NEUROD4: variants seen among roughly 807,000 people sequenced by gnomAD.
NEUROD4 encodes the protein neuronal differentiation 4.
Under a neutral mutation model 19.8 loss-of-function variants are expected in NEUROD4, and 16 were observed. The observed-to-expected ratio is 0.81, with a 90% CI of 0.55 to 1.23. The LOEUF (loss-of-function observed/expected upper bound fraction) is 1.23. Among genes scored for constraint, NEUROD4 ranks in the 50% most tolerant of loss-of-function variants. The pLI is 0.00. For synonymous variants in NEUROD4, 153 were observed against 147.9 expected (o/e 1.03, Z -0.25); for missense variants, 439 against 398.6 (o/e 1.10, Z -0.86).
rs1180043221 is a variant in NEUROD4 at position 55,029,773 on chromosome 12, T to C, written c.*2338T>C. Reference sequence around the variant, plus strand: ...TTATTCTTTAATAATCTGCTGTTTATGCCTTTGGGGAGTATGGTACCCATG... The same window carrying C: ...TTATTCTTTAATAATCTGCTGTTTACGCCTTTGGGGAGTATGGTACCCATG... On this transcript the variant is annotated 3_prime_UTR_variant, in exon 2 of 2. Coordinates refer to ENST00000242994, the MANE Select transcript of NEUROD4 (RefSeq NM_021191.3). 3 of 167,100 alleles carry C rather than the reference T, an allele frequency of 1.8e-5. No individual in the cohort carries two copies. Among genetic ancestry groups the C allele is most frequent in the Non-Finnish European group, 4.4e-5 (3 of 68,110 alleles). 10.4% of individuals were successfully genotyped at this position (167,100 alleles called of 1,614,324 possible).
chr12:55,026,671 A>G lies in NEUROD4; in HGVS notation c.232A>G (p.Thr78Ala). 6.2e-7 allele frequency: 1 copy of G among 1,614,040 alleles called. No homozygotes were observed. Among genetic ancestry groups the G allele is most frequent in the Non-Finnish European group, 8.5e-7 (1 of 1,180,006 alleles). The change falls in exon 2 of 2, where the codon ACC (threonine) becomes GCC (alanine). Residue 78 changes from threonine (T) to alanine (A), a missense_variant. By Grantham distance (58) the Thr-to-Ala change is moderately conservative. Coordinates refer to ENST00000242994, the MANE Select transcript of NEUROD4 (RefSeq NM_021191.3). ...AAGGGGTCCCAAGAAAAAGAAGATGACCAAAGCTCGCCTTGAGAGATTCAG... is the reference window on the plus strand; with the variant it reads ...AAGGGGTCCCAAGAAAAAGAAGATGGCCAAAGCTCGCCTTGAGAGATTCAG... Reference protein sequence around the residue: ...KRRGPKKKKMTKARLERFRAR... With the variant: ...KRRGPKKKKMAKARLERFRAR...
In NEUROD4 at chr12:55,026,884, C is replaced by T. The variant is rs756163190; in HGVS notation, c.445C>T (p.Pro149Ser). 2 of 1,614,120 alleles carry T rather than the reference C, an allele frequency of 1.2e-6. No homozygotes were observed. Among genetic ancestry groups the T allele is most frequent in the Admixed American group, 1.7e-5 (1 of 60,006 alleles). Residue 149 changes from proline to serine, a missense_variant, in exon 2 of 2, where the codon CCT (proline) becomes TCT (serine). By Grantham distance (74) the Pro-to-Ser change is moderately conservative (BLOSUM62 -1). Transcript: ENST00000242994. Reference sequence around the variant, plus strand: ...TGAAGTCCTGGAGACTGGCCAGACACCTGAAGGGAAAGGCTTTGTGGAGAT... The same window carrying T: ...TGAAGTCCTGGAGACTGGCCAGACATCTGAAGGGAAAGGCTTTGTGGAGAT... ...LSEVLETGQT[P>S]EGKGFVEMLC...
chr12:55,027,704 T>C lies in NEUROD4; in HGVS notation c.*269T>C. 2.7e-6 allele frequency: 1 copy of C among 368,872 alleles called. No individual in the cohort carries two copies. The highest frequency in any genetic ancestry group is 4.5e-5 in the East Asian group (1 of 22,356). 22.8% of individuals were successfully genotyped at this position (368,872 alleles called of 1,614,324 possible). ...ACAGAAGACCTGGGCCCTATTCCAG[T>C]GGTGCCAAAAACTCATTGCATAATC... is the stretch of plus-strand genomic sequence containing the variant. On this transcript the variant is annotated 3_prime_UTR_variant, in exon 2 of 2. Transcript: ENST00000242994.
chr12:55,026,050 T>C (rs1426527875), intron 1 of NEUROD4, among the ~76,000 whole-genome samples: 2 of 152,208 alleles, frequency 1.3e-5, no homozygotes, highest in East Asian at 3.8e-4. Flanking sequence ...TCTTTCACTT[T>C]CAGAAATTTC....
Position 55,027,749 on chromosome 12 carries a change from T to C in NEUROD4, c.*314T>C, listed in dbSNP as rs1952751674. The stretch of plus-strand genomic sequence containing the variant: ...ATAATCTGTGCCAATTAATTTTCCA[T>C]TTCTGGCCTTTGTTTATTTACTAGC... On this transcript the variant is annotated 3_prime_UTR_variant, in exon 2 of 2. Coordinates refer to ENST00000242994, the MANE Select transcript of NEUROD4 (RefSeq NM_021191.3). 3.7e-6 allele frequency: 1 copy of C among 271,970 alleles called. No homozygotes were observed. Among genetic ancestry groups the C allele is most frequent in the East Asian group, 7.6e-5 (1 of 13,158 alleles). The allele number at this position is 271,970 out of a possible 1,614,324, so 16.8% of individuals were successfully genotyped here. A position where few individuals can be genotyped will look rare whatever the true frequency, so the allele number is the denominator to read the frequency against.
Position 55,028,360 on chromosome 12 carries a change from G to A in NEUROD4, c.*925G>A, listed in dbSNP as rs1395485648. 1 of 167,060 alleles carries A rather than the reference G, an allele frequency of 6.0e-6. No individual in the cohort carries two copies. Among genetic ancestry groups the A allele is most frequent in the Non-Finnish European group, 1.5e-5 (1 of 68,130 alleles). The allele number at this position is 167,060 out of a possible 1,614,324, so 10.3% of individuals were successfully genotyped here. On this transcript the variant is annotated 3_prime_UTR_variant, in exon 2 of 2. Transcript: ENST00000242994. ...ATAACCAGAGGGCTCTGGAACTTCT[G>A]ATGAAGCTCAGGTGCTGCTGTTAGA...
At position 55,029,739 on chromosome 12, in the gene NEUROD4, G is replaced by A. The variant is rs188286259; in HGVS notation, c.*2304G>A. On this transcript the variant is annotated 3_prime_UTR_variant, in exon 2 of 2. Transcript: ENST00000242994. ...TAGAGTCTTTTCTTCAGTCTAAAAT[G>A]AGCCAGAGTTATTCTTTAATAATCT... 4.3e-3 allele frequency: 724 copies of A among 167,106 alleles called. 2 individuals are homozygous for A. The highest frequency in any genetic ancestry group is 2.5e-3 in the Non-Finnish European group (171 of 68,084). The allele number at this position is 167,106 out of a possible 1,614,324, so 10.4% of individuals were successfully genotyped here.
In NEUROD4 at chr12:55,026,786, G is replaced by T; in HGVS notation, c.347G>T (p.Cys116Phe). 6.2e-7 allele frequency: 1 copy of T among 1,614,170 alleles called. No homozygotes were observed. Among genetic ancestry groups the T allele is most frequent in the South Asian group, 1.1e-5 (1 of 91,080 alleles). Residue 116 changes from cysteine to phenylalanine, a missense_variant, in exon 2 of 2, where the codon TGC becomes TTC. By Grantham distance (205) the Cys-to-Phe change is radical. Transcript: ENST00000242994. Reference sequence around the variant, plus strand: ...GATAACCTGAGGCGAGTCATGCCATGCTACTCTAAAACCCAAAAACTTTCC... The same window carrying T: ...GATAACCTGAGGCGAGTCATGCCATTCTACTCTAAAACCCAAAAACTTTCC... ...ALDNLRRVMP[C>F]YSKTQKLSKI... is the part of the protein sequence containing the mutation.
chr12:55,021,576 T>C (rs142279930), intron 1 of NEUROD4, among the ~76,000 whole-genome samples: 1 of 152,232 alleles, frequency 6.6e-6, no homozygotes, highest in Non-Finnish European at 1.5e-5. Context: ...TAGCTTCACA[T>C]AGTAGTAATG....
Position 55,027,191 on chromosome 12 carries a change from G to T in NEUROD4, c.752G>T (p.Gly251Val). 2 of 1,614,026 alleles carry T rather than the reference G, an allele frequency of 1.2e-6. No individual in the cohort carries two copies. The highest frequency in any genetic ancestry group is 1.7e-6 in the Non-Finnish European group (2 of 1,179,982). The change falls in exon 2 of 2, where the codon GGC (glycine) becomes GTC (valine). Residue 251 changes from glycine to valine, a missense_variant. Transcript: ENST00000242994. ...GACTGCAGTACACCCCCTTATGAGG[G>T]CCCACTCACTCCACCCCTGAGCATC... ...LPDCSTPPYEGPLTPPLSISG... is the reference protein window; with the variant it reads ...LPDCSTPPYEVPLTPPLSISG...
rs1330138531 is a variant in NEUROD4, at chr12:55,020,109, TACGG to T, written c.-212_-209del. 6.6e-6 allele frequency: 1 copy of T among 152,188 alleles called. No individual in the cohort carries two copies. The highest frequency in any genetic ancestry group is 2.4e-5 in the African/African-American group (1 of 41,408). 9.4% of individuals were successfully genotyped at this position (152,188 alleles called of 1,614,324 possible). ...AGCCCGAAGGCGTCCTTGAGGAGCATACGGAACTCCAAGGAAGGAGTAGAATAAG... is the reference window on the plus strand; with the variant it reads ...AGCCCGAAGGCGTCCTTGAGGAGCATAACTCCAAGGAAGGAGTAGAATAAG... On this transcript the variant is annotated 5_prime_UTR_variant, in exon 1 of 2. Coordinates refer to ENST00000242994, the MANE Select transcript of NEUROD4 (RefSeq NM_021191.3).
Position 55,027,524 on chromosome 12 carries a change from A to T in NEUROD4, c.*89A>T, listed in dbSNP as rs1302870284. 8.3e-7 allele frequency: 1 copy of T among 1,211,490 alleles called. No individual in the cohort carries two copies. Among genetic ancestry groups the T allele is most frequent in the African/African-American group, 1.5e-5 (1 of 65,216 alleles). The allele number at this position is 1,211,490 out of a possible 1,614,324, so 75.0% of individuals were successfully genotyped here. ...GCTAAAGATTCAATGACCTTAAAGGATCCCTATGGATATATATCAAACAAT... is the reference window on the plus strand; with the variant it reads ...GCTAAAGATTCAATGACCTTAAAGGTTCCCTATGGATATATATCAAACAAT... On this transcript the variant is annotated 3_prime_UTR_variant, in exon 2 of 2. Coordinates refer to ENST00000242994, the MANE Select transcript of NEUROD4 (RefSeq NM_021191.3).
rs758909928 is a variant in NEUROD4, at chr12:55,026,814, G to A, written c.375G>A (p.Lys125=). Residue 125 remains lysine (K), a synonymous_variant, in exon 2 of 2, where the codon AAG becomes AAA. Transcript: ENST00000242994. ...PCYSKTQKLS[K]IETLRLARNY... ...ACTCTAAAACCCAAAAACTTTCCAA[G>A]ATAGAGACTCTTAGACTGGCCAGGA... is the stretch of plus-strand genomic sequence containing the variant. The A allele has an allele frequency of 6.2e-7, 1 of 1,614,152 alleles. No homozygotes were observed. Among genetic ancestry groups the A allele is most frequent in the East Asian group, 2.2e-5 (1 of 44,878 alleles).
chr12:55,026,410 T>C (rs1465263861), intron 1 of NEUROD4, 21 bp from the exon 2 acceptor site: 9 of 1,564,080 alleles, frequency 5.8e-6, no homozygotes, highest in Non-Finnish European at 7.8e-6. Flanking sequence ...GGAATTAACC[T>C]TTGATATTTC....
At chr12:55,025,953 C>A (rs1952723310) in intron 1 of NEUROD4, among the ~76,000 whole-genome samples, 1 of 152,160 alleles carries the variant, frequency 6.6e-6, no homozygotes, top group East Asian at 1.9e-4. Context: ...TGTAAATATA[C>A]AACAGTGTGC....
intron 1 of NEUROD4, among the ~76,000 whole-genome samples, chr12:55,020,834 T>C (rs189335253): frequency 6.6e-6 from 1 of 152,300 alleles, no homozygotes; most frequent in African/African-American, 2.4e-5. Context: ...ACTATTTTGT[T>C]TACTAAAAAT....
intron 1 of NEUROD4, among the ~76,000 whole-genome samples, chr12:55,022,566 T>G (rs1379782253): frequency 6.6e-6 from 1 of 152,122 alleles, no homozygotes; most frequent in Non-Finnish European, 1.5e-5. Flanking sequence ...GCCATTTGGT[T>G]TTGGTGGGAA....
Position 55,026,577 on chromosome 12 carries a change from C to T in NEUROD4, c.138C>T (p.Ser46=). The stretch of plus-strand genomic sequence containing the variant: ...CAGGTACTTATGGGATGCTCAGCAG[C>T]TTAACTGAAGAGCATGACAGTATTG... ...SRPGTYGMLS[S]LTEEHDSIEE... Residue 46 remains serine (S), a synonymous_variant, in exon 2 of 2, where the codon AGC becomes AGT. Transcript: ENST00000242994. The T allele has an allele frequency of 6.2e-7, 1 of 1,613,822 alleles. No individual in the cohort carries two copies. The highest frequency in any genetic ancestry group is 8.5e-7 in the Non-Finnish European group (1 of 1,179,886).
At chr12:55,021,806 TA>T (rs934156237) in intron 1 of NEUROD4, among the ~76,000 whole-genome samples, 1 of 152,166 alleles carries the variant, frequency 6.6e-6, no homozygotes, top group Non-Finnish European at 1.5e-5. Flanking sequence ...ACCAAATGGC[TA>T]AAAATGGACT....
Sources: gnomAD v4.1 joint callset for allele counts (sites outside exome capture counted in the v4.1 genomes callset) on GRCh38, gnomAD v4.1.1 for gene constraint, MANE v1.5 for transcripts, NCBI Gene and HGNC (gene_info 2026-07-23, HGNC 2026-07-21) for gene names.